RNF168: variants seen among roughly 807,000 people sequenced by gnomAD.
RNF168 encodes the protein E3 ubiquitin-protein ligase RNF168.
A neutral mutation model predicts 34.9 loss-of-function variants in RNF168; 34 were observed. The observed-to-expected ratio is 0.97, with a 90% CI of 0.74 to 1.30. The LOEUF is 1.30. Ranked by LOEUF, RNF168 falls within the 50% of genes most tolerant of loss-of-function variation. The pLI, the probability that RNF168 is intolerant of heterozygous loss-of-function variation, is 0.00. For synonymous variants in RNF168, 264 were observed against 254.7 expected (o/e 1.04, Z -0.35); for missense variants, 725 against 682.5 (o/e 1.06, Z -0.69).
At position 196,487,204 on chromosome 3, in the gene RNF168, A is replaced by G. The variant is rs189557146; in HGVS notation, c.558+195T>C. Among the ~76,000 whole-genome samples the G allele has an allele frequency of 6.5e-3, 997 of 152,354 alleles. 7 individuals are homozygous for G. Among genetic ancestry groups the G allele is most frequent in the Non-Finnish European group, 0.012 (786 of 68,030 alleles). On this transcript the variant is annotated intron_variant, in intron 3 of 5. Transcript: ENST00000318037. ...TTCTTTGAAAACCACAGTCAAAGCAATCGGAATGTTAATAGTTAGCTTTCC... is the reference window on the plus strand; with the variant it reads ...TTCTTTGAAAACCACAGTCAAAGCAGTCGGAATGTTAATAGTTAGCTTTCC...
intron 3 of RNF168, 54 bp downstream of exon 3, chr3:196,487,345 C>T (rs1405787360): frequency 4.2e-6 from 6 of 1,427,930 alleles, no homozygotes; most frequent in Non-Finnish European, 4.9e-6. Context: ...GCGGGTTCTG[C>T]AGCAGCGCAT....
At chr3:196,494,884 G>A (rs567307511) in intron 1 of RNF168, among the ~76,000 whole-genome samples, 19 of 152,218 alleles carry the variant, frequency 1.2e-4, no homozygotes, top group South Asian at 4.1e-4. Flanking sequence ...TTAGCCTGGC[G>A]TAGTGGTGTG....
chr3:196,484,710 G>A (rs1732382970), intron 3 of RNF168, among the ~76,000 whole-genome samples: 1 of 152,044 alleles, frequency 6.6e-6, no homozygotes, highest in Non-Finnish European at 1.5e-5. Flanking sequence ...CTGGACTGCA[G>A]TGGAGTGATC....
At position 196,472,142 on chromosome 3, in the gene RNF168, T is replaced by A; in HGVS notation, c.1393A>T (p.Asn465Tyr). The change falls in exon 6 of 6, where the codon AAC becomes TAC. Residue 465 changes from asparagine (N) to tyrosine (Y), a missense_variant. Transcript: ENST00000318037. ...KEVDKEQMVP[N>Y]RQKGSPDEYH... ...TCATCTGGGGATCCTTTTTGCCGGT[T>A]TGGCACCATTTGCTCTTTATCCACC... 1 of 1,614,178 alleles carries A rather than the reference T, an allele frequency of 6.2e-7. No individual in the cohort carries two copies. The highest frequency in any genetic ancestry group is 8.5e-7 in the Non-Finnish European group (1 of 1,180,038).
rs1560265169 is a variant in RNF168 at position 196,471,982 on chromosome 3, T to G, written c.1553A>C (p.Asn518Thr). The G allele has an allele frequency of 1.2e-6, 2 of 1,614,088 alleles. No individual in the cohort carries two copies. Among genetic ancestry groups the G allele is most frequent in the African/African-American group, 1.3e-5 (1 of 74,926 alleles). Residue 518 changes from asparagine to threonine, a missense_variant, in exon 6 of 6, where the codon AAT (asparagine) becomes ACT (threonine). Coordinates refer to ENST00000318037, the MANE Select transcript of RNF168 (RefSeq NM_152617.4). ...PTPERGSRDKNRQVSLKMQLK... is the reference protein window; with the variant it reads ...PTPERGSRDKTRQVSLKMQLK... ...CTGCATCTTTAAAGACACTTGCCTA[T>G]TTTTGTCCCTTGAGCCTCTCTCTGG...
Position 196,503,301 on chromosome 3 carries a change from T to A in RNF168, c.-128A>T. ...ATTATGCCCAGAAGCGTATCAGAAT[T>A]CGGAGAACAGGAGCATCCAACACGT... On this transcript the variant is annotated 5_prime_UTR_variant, in exon 1 of 6. Coordinates refer to ENST00000318037, the MANE Select transcript of RNF168 (RefSeq NM_152617.4). The A allele has an allele frequency of 3.6e-6, 3 of 840,504 alleles. No individual in the cohort carries two copies. Among genetic ancestry groups the A allele is most frequent in the Non-Finnish European group, 5.9e-6 (3 of 509,108 alleles). 52.1% of individuals were successfully genotyped at this position (840,504 alleles called of 1,614,324 possible).
chr3:196,503,073 G>T lies in RNF168; in HGVS notation c.101C>A (p.Thr34Lys). 6.2e-7 allele frequency: 1 copy of T among 1,614,170 alleles called. No homozygotes were observed. The highest frequency in any genetic ancestry group is 8.5e-7 in the Non-Finnish European group (1 of 1,180,018). Residue 34 changes from threonine (T) to lysine (K), a missense_variant, in exon 1 of 6, where the codon ACG becomes AAG. By Grantham distance (78) the Thr-to-Lys change is moderately conservative. Transcript: ENST00000318037. ...CGACTGGAAGCACGGTTTACACAGC[G>T]TGTGGTTACACGGGAGGGTGACGGG... Reference protein sequence around the residue: ...VEPVTLPCNHTLCKPCFQSTV... With the variant: ...VEPVTLPCNHKLCKPCFQSTV...
chr3:196,481,693 T>G (rs903788727), intron 4 of RNF168, among the ~76,000 whole-genome samples: 1 of 143,706 alleles, frequency 7.0e-6, no homozygotes, highest in Non-Finnish European at 1.5e-5. Context: ...TTTTTTTTTT[T>G]TTTTTTTTTT....
intron 4 of RNF168, 156 bp from the exon 5 acceptor site, chr3:196,475,468 T>A: frequency 3.1e-6 from 2 of 652,152 alleles, no homozygotes; most frequent in African/African-American, 3.6e-5. Flanking sequence ...TTTGGTCAAT[T>A]CCAGGACAAA....
intron 1 of RNF168, among the ~76,000 whole-genome samples, chr3:196,500,609 G>A (rs994206082): frequency 6.6e-6 from 1 of 152,170 alleles, no homozygotes; most frequent in African/African-American, 2.4e-5. Flanking sequence ...GAACGGAGGC[G>A]ATGCCACTGA....
intron 5 of RNF168, among the ~76,000 whole-genome samples, chr3:196,474,447 CTT>C (rs78108021): frequency 2.2e-4 from 27 of 121,328 alleles, no homozygotes; most frequent in Non-Finnish European, 2.3e-4. Flanking sequence ...TTGTAATATT[CTT>C]TTTTTTTTTT....
intron 2 of RNF168, among the ~76,000 whole-genome samples, chr3:196,487,810 A>G (rs979541792): frequency 6.6e-6 from 1 of 152,222 alleles, no homozygotes; most frequent in Admixed American, 6.5e-5. Context: ...GAGATGTATT[A>G]CAAGTGAAAA....
intron 5 of RNF168, among the ~76,000 whole-genome samples, chr3:196,474,550 C>A (rs550734766): frequency 6.6e-6 from 1 of 151,620 alleles, no homozygotes; most frequent in African/African-American, 2.4e-5. Context: ...CGGGTTCAAG[C>A]AATTCTCCTG....
intron 5 of RNF168, 133 bp from the exon 6 acceptor site, chr3:196,472,905 C>T: frequency 6.7e-6 from 4 of 592,870 alleles, no homozygotes; most frequent in Non-Finnish European, 9.0e-6. Context: ...ATATTTCTTT[C>T]TTTCTTTTCT....
chr3:196,481,682 GTTTTTTTT>G (rs34739638), intron 4 of RNF168, among the ~76,000 whole-genome samples: 28 of 62,392 alleles, frequency 4.5e-4, no homozygotes, highest in African/African-American at 1.6e-3. Context: ...TTTCAGCTGC[GTTTTTTTT>G]TTTTTTTTTT....
At chr3:196,473,317 C>T (rs13092653) in intron 5 of RNF168, among the ~76,000 whole-genome samples, 109,289 of 152,070 alleles carry the variant, frequency 0.72, 40,527 homozygotes, top group Middle Eastern at 0.86. Flanking sequence ...TTAAGATATA[C>T]AGTAGCTTTA....
rs745515879 is a variant in RNF168 at position 196,487,474 on chromosome 3, T to TGCCTGTCTTTTTTCC, written c.468_482dup (p.Gln160_Arg164dup). ...CTTCCATCGCTCTTCGCCTTTTTTC[T>TGCCTGTCTTTTTTCC]GCCTGTCTTTTTTCCTCTTCTTCCT... On this transcript the variant is annotated inframe_insertion, in exon 3 of 6. Transcript: ENST00000318037. The TGCCTGTCTTTTTTCC allele has an allele frequency of 6.2e-7, 1 of 1,614,198 alleles. No individual in the cohort carries two copies. Among genetic ancestry groups the TGCCTGTCTTTTTTCC allele is most frequent in the East Asian group, 2.2e-5 (1 of 44,890 alleles).
intron 1 of RNF168, among the ~76,000 whole-genome samples, chr3:196,490,298 G>T (rs1732562463): frequency 6.6e-6 from 1 of 152,074 alleles, no homozygotes; most frequent in Admixed American, 6.5e-5. Flanking sequence ...TATAAAACAA[G>T]ACACTGTTTT....
chr3:196,486,798 G>A (rs960844423), intron 3 of RNF168, among the ~76,000 whole-genome samples: 4 of 151,692 alleles, frequency 2.6e-5, no homozygotes, highest in African/African-American at 9.8e-5. Context: ...AACAACTTGC[G>A]GTGGCTCACG....
Sources: allele counts gnomAD v4.1 joint callset (sites outside exome capture counted in the v4.1 genomes callset), GRCh38; gene constraint gnomAD v4.1.1; transcripts MANE v1.5; gene names NCBI Gene and HGNC (gene_info 2026-07-23, HGNC 2026-07-21).